ELOVL6: variants seen among roughly 807,000 people sequenced by gnomAD.
The protein encoded by ELOVL6 is very long chain fatty acid elongase 6.
Under a neutral mutation model 31.7 loss-of-function variants are expected in ELOVL6, and 8 were observed. The ratio of observed to expected loss-of-function variants is 0.25; its 90% CI spans 0.15 to 0.45. The LOEUF (loss-of-function observed/expected upper bound fraction) is 0.45. Among genes scored for constraint, ELOVL6 ranks in the 20% least tolerant of loss-of-function variants. The pLI, the probability that ELOVL6 is intolerant of heterozygous loss-of-function variation, is 1.00. For synonymous variants in ELOVL6, 101 were observed against 117.7 expected (o/e 0.86, Z 0.92); for missense variants, 126 against 326.4 (o/e 0.39, Z 4.73).
chr4:110,134,976 A>C (rs1757775164), intron 1 of ELOVL6, among the ~76,000 whole-genome samples: 3 of 152,132 alleles, frequency 2.0e-5, no homozygotes, highest in African/African-American at 7.2e-5. Context: ...GTGATGATGT[A>C]GGACATAAGG....
rs148940882 is a variant in ELOVL6, at chr4:110,130,163, T to G, written c.90-24535A>C. ...CGCCCACCTCGGCCTCCCAAAGTGC[T>G]GAGATTATAGGCATGAGCCACCGCG... On this transcript the variant is annotated intron_variant, in intron 1 of 3. Transcript: ENST00000302274. Among the ~76,000 whole-genome samples the G allele has an allele frequency of 2.9e-4, 44 of 152,246 alleles. No individual in the cohort carries two copies. The East Asian group carries it at 7.1e-3, about 25-fold the overall frequency.
intron 1 of ELOVL6, among the ~76,000 whole-genome samples, chr4:110,126,306 A>C (rs981695491): frequency 5.9e-5 from 9 of 152,142 alleles, no homozygotes; most frequent in Admixed American, 1.3e-4. Flanking sequence ...TCGGCCTCCC[A>C]AAGTGCTGAG....
chr4:110,166,538 G>A (rs892648232), intron 1 of ELOVL6, among the ~76,000 whole-genome samples: 5 of 152,110 alleles, frequency 3.3e-5, no homozygotes, highest in East Asian at 3.9e-4. Context: ...GCTTGAACCC[G>A]GGAGGAGGGG....
At chr4:110,166,726 A>T (rs151282968) in intron 1 of ELOVL6, among the ~76,000 whole-genome samples, 443 of 152,304 alleles carry the variant, frequency 2.9e-3, no homozygotes, top group African/African-American at 9.3e-3. Flanking sequence ...AGACATCATG[A>T]GTATTCTGGT....
intron 2 of ELOVL6, among the ~76,000 whole-genome samples, chr4:110,075,025 T>C (rs933745319): frequency 6.6e-6 from 1 of 152,074 alleles, no homozygotes; most frequent in Non-Finnish European, 1.5e-5. Flanking sequence ...CAAAAGCATA[T>C]GAAAAGATGC....
At chr4:110,127,406 C>CTCAAAAAAA (rs1757533333) in intron 1 of ELOVL6, among the ~76,000 whole-genome samples, 1 of 85,516 alleles carries the variant, frequency 1.2e-5, no homozygotes, top group Non-Finnish European at 2.1e-5. Context: ...GATTCCGTCT[C>CTCAAAAAAA]AAAAAAAAAA....
chr4:110,148,210 A>G (rs1758181350), intron 1 of ELOVL6, among the ~76,000 whole-genome samples: 1 of 152,192 alleles, frequency 6.6e-6, no homozygotes, highest in South Asian at 2.1e-4. Context: ...GCCAAGAAGC[A>G]TATGAAAAAA....
intron 1 of ELOVL6, among the ~76,000 whole-genome samples, chr4:110,121,052 C>T (rs994220146): frequency 3.3e-5 from 5 of 152,050 alleles, no homozygotes; most frequent in African/African-American, 7.2e-5. Context: ...CCACCTACCT[C>T]GGCCTCCCAA....
rs568651283 is a variant in ELOVL6 at position 110,196,636 on chromosome 4, T to C, written c.89+1611A>G. On this transcript the variant is annotated intron_variant, in intron 1 of 3. Transcript: ENST00000302274. ...GGAGGGCACCAGCCCTGTGCCTGTGTGGCTGCTGCACTTCCAGTCCTTCCG... is the reference window on the plus strand; with the variant it reads ...GGAGGGCACCAGCCCTGTGCCTGTGCGGCTGCTGCACTTCCAGTCCTTCCG... Among the ~76,000 whole-genome samples, 304 of 152,238 alleles carry C rather than the reference T, an allele frequency of 2.0e-3. 6 individuals are homozygous for C. Among genetic ancestry groups the C allele is most frequent in the Middle Eastern group, 6.8e-3 (2 of 294 alleles).
chr4:110,169,202 A>T (rs1224849318), intron 1 of ELOVL6, among the ~76,000 whole-genome samples: 1 of 149,974 alleles, frequency 6.7e-6, no homozygotes, highest in East Asian at 2.0e-4. Context: ...GGTGTGAGCC[A>T]CTGCACCCGA....
At chr4:110,088,531 G>A (rs976029916) in intron 2 of ELOVL6, among the ~76,000 whole-genome samples, 3 of 152,128 alleles carry the variant, frequency 2.0e-5, no homozygotes, top group East Asian at 3.9e-4. Flanking sequence ...TTTCCTTCTC[G>A]AAAATTTCAT....
At chr4:110,062,991 G>A (rs1235799561) in intron 2 of ELOVL6, among the ~76,000 whole-genome samples, 1 of 152,112 alleles carries the variant, frequency 6.6e-6, no homozygotes, top group South Asian at 2.1e-4. Flanking sequence ...GGTGCTCAAC[G>A]AAACAGTTTT....
chr4:110,181,944 T>C (rs1759285078), intron 1 of ELOVL6, among the ~76,000 whole-genome samples: 1 of 152,194 alleles, frequency 6.6e-6, no homozygotes, highest in African/African-American at 2.4e-5. Context: ...AACCAGACAC[T>C]ATCTCCTAGG....
intron 1 of ELOVL6, among the ~76,000 whole-genome samples, chr4:110,151,009 C>T (rs1393431241): frequency 2.0e-5 from 3 of 150,892 alleles, no homozygotes; most frequent in African/African-American, 4.9e-5. Flanking sequence ...TGCCACTGCA[C>T]TCCAGCCTGA....
chr4:110,108,708 T>C, intron 1 of ELOVL6, among the ~76,000 whole-genome samples: 1 of 152,252 alleles, frequency 6.6e-6, no homozygotes, highest in Non-Finnish European at 1.5e-5. Flanking sequence ...TTGTCATGGC[T>C]GTGGTCAAGC....
At chr4:110,135,508 T>A (rs1337374836) in intron 1 of ELOVL6, among the ~76,000 whole-genome samples, 1 of 152,104 alleles carries the variant, frequency 6.6e-6, no homozygotes, top group Non-Finnish European at 1.5e-5. Context: ...ACACATGAAA[T>A]GAAGCTCAAT....
intron 2 of ELOVL6, among the ~76,000 whole-genome samples, chr4:110,063,500 A>G (rs185168566): frequency 2.0e-5 from 3 of 151,648 alleles, no homozygotes; most frequent in African/African-American, 7.3e-5. Flanking sequence ...ACCATGCACC[A>G]ACTTTCCACA....
chr4:110,173,572 C>T (rs1759014343), intron 1 of ELOVL6, among the ~76,000 whole-genome samples: 1 of 148,168 alleles, frequency 6.7e-6, no homozygotes, highest in African/African-American at 2.5e-5. Flanking sequence ...ATTTCCTCAA[C>T]TGTAAAAAAT....
chr4:110,105,742 G>T, intron 1 of ELOVL6, 114 bp from the exon 2 acceptor site: 1 of 955,138 alleles, frequency 1.0e-6, no homozygotes, highest in Non-Finnish European at 1.5e-6. Flanking sequence ...GAATATTCCT[G>T]CTTCACTGAA....
Sources: gnomAD v4.1 joint callset for allele counts (sites outside exome capture counted in the v4.1 genomes callset) on GRCh38, gnomAD v4.1.1 for gene constraint, MANE v1.5 for transcripts, NCBI Gene and HGNC (gene_info 2026-07-23, HGNC 2026-07-21) for gene names.